The following TRABD2B variants were observed in gnomAD, a reference collection of about 807,000 sequenced individuals.
TRABD2B encodes TraB domain containing 2B, also known as metalloprotease TIKI2.
A neutral mutation model predicts 40.1 loss-of-function variants in TRABD2B; 14 were observed. The ratio of observed to expected loss-of-function variants is 0.35; its 90% confidence interval spans 0.23 to 0.55. The LOEUF (loss-of-function observed/expected upper bound fraction) is 0.55. Ranked by LOEUF, TRABD2B falls within the 20% of genes least tolerant of loss-of-function variation. The pLI, the probability that TRABD2B is intolerant of heterozygous loss-of-function variation, is 0.90. For synonymous variants in TRABD2B, 263 were observed against 277.0 expected, an observed-to-expected ratio of 0.95 and a Z score of 0.50; for missense variants, 541 against 648.6, an observed-to-expected ratio of 0.83 and a Z score of 1.80.
chr1:47,785,193 C>G (rs964324748), intron 4 of TRABD2B, among the ~76,000 whole-genome samples: 4 of 152,152 alleles, frequency 2.6e-5, no homozygotes, highest in Admixed American at 2.6e-4. Flanking sequence ...GGTGTCCCTC[C>G]TCCATGACAT....
chr1:47,770,261 C>T lies in TRABD2B; in HGVS notation c.1350-4155G>A, dbSNP rs184117018. Among the ~76,000 whole-genome samples, 3 of 152,300 alleles carry T rather than the reference C, an allele frequency of 2.0e-5. No homozygotes were observed. In the East Asian group the frequency reaches 5.8e-4, roughly 30 times the overall value. On this transcript the variant is annotated intron_variant, in intron 6 of 6. Coordinates refer to ENST00000606738, the MANE Select transcript of TRABD2B (RefSeq NM_001194986.2). ...TCACTGTGATCACTTAGCAGAGACCCTGTTGTGATGCCAGTCTGGGCCTCA... is the reference window on the plus strand; with the variant it reads ...TCACTGTGATCACTTAGCAGAGACCTTGTTGTGATGCCAGTCTGGGCCTCA...
intron 2 of TRABD2B, among the ~76,000 whole-genome samples, chr1:47,866,768 C>A (rs1452200596): frequency 2.0e-5 from 3 of 152,134 alleles, no homozygotes; most frequent in African/African-American, 7.2e-5. Flanking sequence ...CCCCCTTGGA[C>A]CCCTCTCCAT....
At chr1:47,992,417 G>A (rs1646024904) in intron 2 of TRABD2B, among the ~76,000 whole-genome samples, 2 of 152,278 alleles carry the variant, frequency 1.3e-5, no homozygotes, top group South Asian at 4.1e-4. Context: ...TAAGAGAGAC[G>A]GATTAAAGAC....
intron 2 of TRABD2B, among the ~76,000 whole-genome samples, chr1:47,874,365 C>T (rs1479112575): frequency 1.3e-5 from 2 of 148,560 alleles, no homozygotes; most frequent in Admixed American, 6.8e-5. Context: ...CTCCGCTTCC[C>T]GGGTTCACGC....
At chr1:47,784,319 G>A (rs369719029) in intron 4 of TRABD2B, among the ~76,000 whole-genome samples, 8 of 152,150 alleles carry the variant, frequency 5.3e-5, no homozygotes, top group African/African-American at 1.7e-4. Flanking sequence ...AGAAACATGC[G>A]TCCCTTCCAA....
rs370729520 is a variant in TRABD2B at position 47,782,880 on chromosome 1, T to C, written c.989-4336A>G. On this transcript the variant is annotated intron_variant, in intron 4 of 6. Transcript: ENST00000606738. ...GATGTTGGGGCTCAGCCTGCAAGGC[T>C]TGCCCAGGCTCCCCAGGTCTCCTGG... Among the ~76,000 whole-genome samples, 23 of 152,326 alleles carry C rather than the reference T, an allele frequency of 1.5e-4. No homozygotes were observed. In the East Asian group the frequency reaches 4.3e-3, roughly 28 times the overall value.
intron 2 of TRABD2B, among the ~76,000 whole-genome samples, chr1:47,989,264 G>A (rs1220191638): frequency 2.0e-5 from 3 of 152,138 alleles, no homozygotes; most frequent in Non-Finnish European, 4.4e-5. Flanking sequence ...TGTCCTTATA[G>A]GATGGAAAGG....
intron 2 of TRABD2B, among the ~76,000 whole-genome samples, chr1:47,842,453 G>A (rs967658579): frequency 6.6e-6 from 1 of 152,148 alleles, no homozygotes; most frequent in African/African-American, 2.4e-5. Flanking sequence ...CCCTCCCAGG[G>A]GGGAGGATAC....
chr1:47,990,772 T>C (rs1340088193), intron 2 of TRABD2B, among the ~76,000 whole-genome samples: 15 of 3,108 alleles, frequency 4.8e-3, no homozygotes, highest in Admixed American at 0.027. Flanking sequence ...ACGTTGGTTT[T>C]ATATATATAT....
chr1:47,890,025 G>C (rs1644423348), intron 2 of TRABD2B, among the ~76,000 whole-genome samples: 1 of 152,188 alleles, frequency 6.6e-6, no homozygotes, highest in South Asian at 2.1e-4. Flanking sequence ...CTCTGGCTGA[G>C]TCTCCTTTTT....
rs150935143 is a variant in TRABD2B at position 47,881,081 on chromosome 1, C to A, written c.667-79462G>T. The stretch of plus-strand genomic sequence containing the variant: ...GTGTTTCAGTGGCTACAGACTACAC[C>A]GCAGGGCATGGGCCTCCACAGCCAA... On this transcript the variant is annotated intron_variant, in intron 2 of 6. Coordinates refer to ENST00000606738, the MANE Select transcript of TRABD2B (RefSeq NM_001194986.2). 5.4e-3 allele frequency among the ~76,000 whole-genome samples: 824 copies of A among 152,248 alleles called. 13 individuals are homozygous for A. The highest frequency in any genetic ancestry group is 0.019 in the African/African-American group (789 of 41,548).
chr1:47,830,751 G>C (rs910852529), intron 2 of TRABD2B, among the ~76,000 whole-genome samples: 1 of 152,184 alleles, frequency 6.6e-6, no homozygotes, highest in African/African-American at 2.4e-5. Flanking sequence ...TTGGCACTGT[G>C]AGCCAGGGAA....
chr1:47,781,981 C>G (rs1169176682), intron 4 of TRABD2B, among the ~76,000 whole-genome samples: 2 of 152,226 alleles, frequency 1.3e-5, no homozygotes, highest in Non-Finnish European at 2.9e-5. Context: ...TTCTCCTGCC[C>G]AGTCAATGTG....
chr1:47,976,597 G>A (rs1401101661), intron 2 of TRABD2B, among the ~76,000 whole-genome samples: 2 of 152,204 alleles, frequency 1.3e-5, no homozygotes, highest in Non-Finnish European at 2.9e-5. Flanking sequence ...CGCAATTGAT[G>A]ACAGGTGCTA....
At chr1:47,988,378 C>T (rs191074861) in intron 2 of TRABD2B, among the ~76,000 whole-genome samples, 22 of 152,278 alleles carry the variant, frequency 1.4e-4, no homozygotes, top group African/African-American at 4.8e-4. Flanking sequence ...AATGAATTCT[C>T]GGCAGGCAAA....
At chr1:47,909,516 G>GAGGAGA (rs1644725071) in intron 2 of TRABD2B, among the ~76,000 whole-genome samples, 1 of 121,594 alleles carries the variant, frequency 8.2e-6, no homozygotes, top group Non-Finnish European at 1.8e-5. Flanking sequence ...GAAGGAGAAG[G>GAGGAGA]GGGAGGAGAA....
rs183301383 is a variant in TRABD2B at position 47,972,458 on chromosome 1, G to A, written c.666+21576C>T. ...GAGATGGGGCCTCTGGGAGGTAATA[G>A]GCCATGAGGGTGGCACCCTAGTGAA... On this transcript the variant is annotated intron_variant, in intron 2 of 6. Coordinates refer to ENST00000606738, the MANE Select transcript of TRABD2B (RefSeq NM_001194986.2). Among the ~76,000 whole-genome samples, 139 of 150,218 alleles carry A rather than the reference G, an allele frequency of 9.3e-4. 1 individual carries two copies. The Middle Eastern group carries it at 0.01, about 11-fold the overall frequency.
intron 4 of TRABD2B, among the ~76,000 whole-genome samples, chr1:47,783,055 CAG>C (rs1352273384): frequency 1.3e-5 from 2 of 151,922 alleles, no homozygotes; most frequent in African/African-American, 4.8e-5. Context: ...TTGCGGCACA[CAG>C]AGCCATGCAG....
chr1:47,968,437 C>T (rs17103971), intron 2 of TRABD2B, among the ~76,000 whole-genome samples: 1,690 of 152,308 alleles, frequency 0.011, 27 homozygotes, highest in African/African-American at 0.038. Context: ...GGGACAATAA[C>T]TCTTAGCTGT....
Sources: allele counts gnomAD v4.1 joint callset (sites outside exome capture counted in the v4.1 genomes callset), GRCh38; gene constraint gnomAD v4.1.1; transcripts MANE v1.5; gene names NCBI Gene and HGNC (gene_info 2026-07-23, HGNC 2026-07-21).